Variants in ARB2A observed in about 807,000 individuals in gnomAD.
ARB2A encodes cotranscriptional regulator ARB2A.
the ARB2A span, among the ~76,000 whole-genome samples, chr5:93,661,459 T>C: frequency 6.6e-6 from 1 of 152,140 alleles, no homozygotes; most frequent in Non-Finnish European, 1.5e-5. Flanking sequence ...GGGTCATCTT[T>C]TGTTTCACAT....
the ARB2A span, among the ~76,000 whole-genome samples, chr5:93,911,639 C>CAG: frequency 6.6e-6 from 1 of 151,516 alleles, no homozygotes; most frequent in Admixed American, 6.6e-5. Context: ...CACACACACA[C>CAG]ACACACACAC....
chr5:94,024,217 G>GT, the ARB2A span, among the ~76,000 whole-genome samples: 1 of 152,100 alleles, frequency 6.6e-6, no homozygotes, highest in South Asian at 2.1e-4. Context: ...TTAAATTGGT[G>GT]TTTTTTTGAG....
the ARB2A span, among the ~76,000 whole-genome samples, chr5:93,825,199 A>T: frequency 6.6e-6 from 1 of 152,168 alleles, no homozygotes; most frequent in Non-Finnish European, 1.5e-5. Context: ...AAGTTTTTTC[A>T]CCTTAAATTT....
chr5:93,625,340 T>C, the ARB2A span, among the ~76,000 whole-genome samples: 4 of 152,338 alleles, frequency 2.6e-5, no homozygotes, highest in Non-Finnish European at 4.4e-5. Context: ...TTTGTTATAA[T>C]AGTAGCTAAT....
chr5:93,807,984 G>T, the ARB2A span, among the ~76,000 whole-genome samples: 4 of 152,046 alleles, frequency 2.6e-5, no homozygotes, highest in East Asian at 7.8e-4. Context: ...ATCAATGCAA[G>T]AACACATCAG....
the ARB2A span, among the ~76,000 whole-genome samples, chr5:93,731,113 T>C: frequency 2.6e-5 from 4 of 152,090 alleles, no homozygotes; most frequent in Non-Finnish European, 5.9e-5. Flanking sequence ...ATCACCTATT[T>C]TTTCCTCTAC....
chr5:93,737,524 CGTGCCATATAT>C, the ARB2A span: 1 of 152,988 alleles, frequency 6.5e-6, no homozygotes. Context: ...TATATATATA[CGTGCCATATAT>C]ATATATATGG....
chr5:93,807,310 G>A, the ARB2A span, among the ~76,000 whole-genome samples: 5 of 151,898 alleles, frequency 3.3e-5, no homozygotes, highest in African/African-American at 1.2e-4. Flanking sequence ...GTTGAAAAAT[G>A]CTCAAGTTCA....
the ARB2A span, among the ~76,000 whole-genome samples, chr5:93,986,246 G>A: frequency 6.6e-6 from 1 of 150,834 alleles, no homozygotes; most frequent in African/African-American, 2.4e-5. Context: ...TGAGAAGTGA[G>A]GAGCCCCTCC....
chr5:93,681,714 C>T, the ARB2A span, among the ~76,000 whole-genome samples: 45 of 152,186 alleles, frequency 3.0e-4, no homozygotes, highest in East Asian at 8.1e-3. Flanking sequence ...TCACCGAGGC[C>T]AGGCACAAGC....
chr5:93,659,047 C>G, the ARB2A span, among the ~76,000 whole-genome samples: 3 of 151,976 alleles, frequency 2.0e-5, no homozygotes, highest in African/African-American at 7.2e-5. Context: ...CATTTGAAAA[C>G]CAGAATTGTT....
chr5:93,632,639 G>A, the ARB2A span, among the ~76,000 whole-genome samples: 3 of 152,278 alleles, frequency 2.0e-5, no homozygotes, highest in Admixed American at 6.5e-5. Flanking sequence ...GTTATGGGGA[G>A]TGAGAAGGAT....
the ARB2A span, among the ~76,000 whole-genome samples, chr5:93,800,084 A>C: frequency 6.6e-6 from 1 of 152,076 alleles, no homozygotes; most frequent in Non-Finnish European, 1.5e-5. Flanking sequence ...TCTTTGAAAA[A>C]TTTTAAATAA....
chr5:93,725,519 T>C, the ARB2A span, among the ~76,000 whole-genome samples: 1 of 152,108 alleles, frequency 6.6e-6, no homozygotes, highest in Non-Finnish European at 1.5e-5. Context: ...TGGATATTTA[T>C]TTTTCACTGC....
chr5:93,931,617 C>G, the ARB2A span, among the ~76,000 whole-genome samples: 4 of 152,018 alleles, frequency 2.6e-5, no homozygotes, highest in African/African-American at 9.7e-5. Context: ...AATATTTTTT[C>G]TAGTTAATTT....
At chr5:94,104,074 C>G in the ARB2A span, among the ~76,000 whole-genome samples, 1 of 150,140 alleles carries the variant, frequency 6.7e-6, no homozygotes. Context: ...CTCAAATTAA[C>G]AACCTAAAAT....
chr5:93,894,418 A>G, the ARB2A span, among the ~76,000 whole-genome samples: 25 of 152,166 alleles, frequency 1.6e-4, no homozygotes, highest in Non-Finnish European at 3.4e-4. Context: ...TTAAAAAAAA[A>G]AGAGAGAATT....
chr5:94,107,898 C>T, the ARB2A span, among the ~76,000 whole-genome samples: 1 of 152,118 alleles, frequency 6.6e-6, no homozygotes. Flanking sequence ...GATTTGCACT[C>T]CCTCATTCTA....
the ARB2A span, among the ~76,000 whole-genome samples, chr5:93,984,246 T>C: frequency 6.6e-6 from 1 of 152,066 alleles, no homozygotes; most frequent in Admixed American, 6.5e-5. Context: ...CAAGGAACCA[T>C]ATATATAAGT....
Sources: allele counts gnomAD v4.1 joint callset (sites outside exome capture counted in the v4.1 genomes callset), GRCh38; gene constraint gnomAD v4.1.1; transcripts MANE v1.5; gene names NCBI Gene and HGNC (gene_info 2026-07-23, HGNC 2026-07-21).